The following DDX21 variants were observed in gnomAD, a reference collection of about 807,000 sequenced individuals.
DDX21 encodes the protein DExD-box helicase 21, also known as nucleolar RNA helicase 2.
DDX21 carries 18 observed loss-of-function variants against 90.0 expected under a neutral mutation model. The ratio of observed to expected loss-of-function variants is 0.20; its 90% CI spans 0.14 to 0.30. The LOEUF is 0.30. DDX21 is among the 10% of genes least tolerant of loss of function. The probability of loss-of-function intolerance (pLI) is 1.00; values close to 1 mark genes in which losing one functional copy is unlikely to be tolerated. For synonymous variants in DDX21, 294 were observed against 318.0 expected (o/e 0.92, Z 0.80); for missense variants, 673 against 944.5 (o/e 0.71, Z 3.77).
At chr10:68,961,579 A>G (rs1236057398) in intron 2 of DDX21, among the ~76,000 whole-genome samples, 1 of 152,248 alleles carries the variant, frequency 6.6e-6, no homozygotes, top group East Asian at 1.9e-4. Flanking sequence ...TAATGGTTAC[A>G]TAATCCTTCA....
Position 68,966,909 on chromosome 10 carries a change from G to GTAGGTA in DDX21, c.905-107_905-102dup, listed in dbSNP as rs149758083. On this transcript the variant is annotated intron_variant, in intron 5 of 14. Transcript: ENST00000354185. ...TTACTTAGCATATTACTTTGTACTTGTAGGTATTTAACAAATATTTTAGAG... is the reference window on the plus strand; with the variant it reads ...TTACTTAGCATATTACTTTGTACTTGTAGGTATAGGTATTTAACAAATATTTTAGAG... 0.016 allele frequency: 12,914 copies of GTAGGTA among 801,914 alleles called. 1,042 individuals carry two copies. In the African/African-American group the frequency reaches 0.19, roughly 12 times the overall value. 49.7% of individuals were successfully genotyped at this position (801,914 alleles called of 1,614,324 possible). A position where few individuals can be genotyped will look rare whatever the true frequency, so the allele number is the denominator to read the frequency against.
rs766842659 is a variant in DDX21 at position 68,982,626 on chromosome 10, A to C, written c.2166A>C (p.Gly722=). 6.2e-7 allele frequency: 1 copy of C among 1,613,320 alleles called. No homozygotes were observed. Among genetic ancestry groups the C allele is most frequent in the Non-Finnish European group, 8.5e-7 (1 of 1,179,690 alleles). The change falls in exon 15 of 15, where the codon GGA becomes GGC. Residue 722 remains glycine (G), a synonymous_variant. Coordinates refer to ENST00000354185, the MANE Select transcript of DDX21 (RefSeq NM_004728.4). ...PELEGPREGY[G]GFRGQREGSR... Reference sequence around the variant, plus strand: ...TGGAAGGACCACGGGAAGGATATGGAGGCTTCAGGGGACAGCGGGAAGGCA... The same window carrying C: ...TGGAAGGACCACGGGAAGGATATGGCGGCTTCAGGGGACAGCGGGAAGGCA...
At position 68,984,746 on chromosome 10, in the gene DDX21, G is replaced by A. The variant is rs1396485256; in HGVS notation, c.*1934G>A. 6.6e-6 allele frequency: 1 copy of A among 152,184 alleles called. No homozygotes were observed. Among genetic ancestry groups the A allele is most frequent in the Non-Finnish European group, 1.5e-5 (1 of 68,026 alleles). The allele number at this position is 152,184 out of a possible 1,614,324, so 9.4% of individuals were successfully genotyped here. A position where few individuals can be genotyped will look rare whatever the true frequency, so the allele number is the denominator to read the frequency against. ...TCTGGCATAAATTAAGAGTAAGAGA[G>A]AAGATTAATAGAAATTTCACTTCAC... On this transcript the variant is annotated 3_prime_UTR_variant, in exon 15 of 15. Coordinates refer to ENST00000354185, the MANE Select transcript of DDX21 (RefSeq NM_004728.4).
intron 1 of DDX21, 161 bp downstream of exon 1, chr10:68,956,473 G>T (rs919192502): frequency 5.6e-5 from 81 of 1,452,960 alleles, no homozygotes; most frequent in Non-Finnish European, 6.3e-5. Context: ...GGAGTGGTGC[G>T]CTCCCCGGGC....
chr10:68,970,363 C>T lies in DDX21; in HGVS notation c.1386+13C>T. ...AGCTATAAAGCAGGTTGGTCCTTCC[C>T]CTTATGCCAGCAAAACTGGGGATAT... On this transcript the variant is annotated intron_variant, in intron 8 of 14. Coordinates refer to ENST00000354185, the MANE Select transcript of DDX21 (RefSeq NM_004728.4). The T allele has an allele frequency of 4.4e-6, 7 of 1,608,776 alleles. No individual in the cohort carries two copies. Among genetic ancestry groups the T allele is most frequent in the Non-Finnish European group, 5.9e-6 (7 of 1,177,936 alleles).
chr10:68,957,320 A>C (rs1366452870), intron 1 of DDX21, among the ~76,000 whole-genome samples: 1 of 151,866 alleles, frequency 6.6e-6, no homozygotes, highest in Non-Finnish European at 1.5e-5. Context: ...TATATAGGCC[A>C]GCAGTGTGCA....
intron 7 of DDX21, 114 bp downstream of exon 7, chr10:68,969,235 A>T (rs1842986728): frequency 1.9e-6 from 2 of 1,042,952 alleles, no homozygotes; most frequent in African/African-American, 1.6e-5. Context: ...TCCATGTGAA[A>T]AGCCAAGGAA....
At chr10:68,980,240 T>TA (rs537982171) in intron 13 of DDX21, among the ~76,000 whole-genome samples, 8,741 of 150,930 alleles carry the variant, frequency 0.058, 305 homozygotes, top group Middle Eastern at 0.11. Flanking sequence ...AACTCCGTCT[T>TA]AAAAAAAAAA....
intron 4 of DDX21, among the ~76,000 whole-genome samples, chr10:68,963,745 C>T (rs1159911425): frequency 6.6e-6 from 1 of 151,734 alleles, no homozygotes; most frequent in Non-Finnish European, 1.5e-5. Context: ...ATTAGATGTC[C>T]CTGGGGCTCA....
At chr10:68,961,196 A>G (rs1409503311) in intron 2 of DDX21, among the ~76,000 whole-genome samples, 2 of 152,232 alleles carry the variant, frequency 1.3e-5, no homozygotes, top group African/African-American at 4.8e-5. Context: ...AAGCCTCCCG[A>G]GTAGCTGGGA....
intron 4 of DDX21, among the ~76,000 whole-genome samples, chr10:68,964,418 T>G (rs549237669): frequency 6.6e-6 from 1 of 152,312 alleles, no homozygotes; most frequent in South Asian, 2.1e-4. Context: ...TGAATCATAT[T>G]AGTTTCATAC....
chr10:68,977,486 C>A (rs1205431424), intron 11 of DDX21, 43 bp from the exon 12 acceptor site: 1 of 1,511,960 alleles, frequency 6.6e-7, no homozygotes, highest in Non-Finnish European at 8.9e-7. Context: ...TGAAATGTGT[C>A]CACTTCTAGT....
At chr10:68,957,041 C>CAA (rs34149138) in intron 1 of DDX21, among the ~76,000 whole-genome samples, 1,873 of 138,208 alleles carry the variant, frequency 0.014, 36 homozygotes, top group African/African-American at 0.042. Flanking sequence ...AACTCCATCT[C>CAA]AAAAAAAAAA....
At chr10:68,976,662 G>C (rs1488178807) in intron 11 of DDX21, among the ~76,000 whole-genome samples, 1 of 152,056 alleles carries the variant, frequency 6.6e-6, no homozygotes, top group Non-Finnish European at 1.5e-5. Context: ...CTACAGACAG[G>C]GTTCCCTTGG....
chr10:68,966,849 CT>C lies in DDX21; in HGVS notation c.905-168del, dbSNP rs1450346296. On this transcript the variant is annotated intron_variant, in intron 5 of 14. Coordinates refer to ENST00000354185, the MANE Select transcript of DDX21 (RefSeq NM_004728.4). ...TTTTTCACTTCTAATGTTTTTCCCACTAGATTAGGAGTGCCATGAGTATCTT... is the reference window on the plus strand; with the variant it reads ...TTTTTCACTTCTAATGTTTTTCCCACAGATTAGGAGTGCCATGAGTATCTT... Among the ~76,000 whole-genome samples the C allele has an allele frequency of 2.6e-5, 4 of 152,078 alleles. No homozygotes were observed. The East Asian group carries it at 7.7e-4, about 29-fold the overall frequency.
intron 1 of DDX21, among the ~76,000 whole-genome samples, chr10:68,957,887 A>T (rs1046528774): frequency 6.6e-6 from 1 of 152,178 alleles, no homozygotes; most frequent in Non-Finnish European, 1.5e-5. Flanking sequence ...ACAGGCTTCT[A>T]AGGAGGCTAC....
In DDX21 at chr10:68,963,476, G is replaced by A. The variant is rs200953241; in HGVS notation, c.786+7G>A. The stretch of plus-strand genomic sequence containing the variant: ...GAGAGGCCGTGCCCCTCAGGTAACT[G>A]TCTTAAATACAAGGGCTCTCAGTCA... On this transcript the variant is annotated splice_region_variant and intron_variant, in intron 4 of 14. Transcript: ENST00000354185. 33 of 1,603,492 alleles carry A rather than the reference G, an allele frequency of 2.1e-5. No homozygotes were observed. The African/African-American group carries it at 3.6e-4, about 18-fold the overall frequency.
In DDX21 at chr10:68,966,977, C is replaced by T. The variant is rs960218288; in HGVS notation, c.905-41C>T. 1.3e-6 allele frequency: 2 copies of T among 1,575,510 alleles called. 1 individual carries two copies. The highest frequency in any genetic ancestry group is 2.3e-5 in the South Asian group (2 of 86,830). On this transcript the variant is annotated intron_variant, in intron 5 of 14. Coordinates refer to ENST00000354185, the MANE Select transcript of DDX21 (RefSeq NM_004728.4). ...GTGGTACCCCACACAGATAAAAGTA[C>T]TTACTAAAAACCCAGCAAATCTTGT... is the stretch of plus-strand genomic sequence containing the variant.
chr10:68,970,753 A>G (rs190525223), intron 8 of DDX21, among the ~76,000 whole-genome samples: 4 of 152,106 alleles, frequency 2.6e-5, no homozygotes, highest in African/African-American at 9.6e-5. Flanking sequence ...CTTGGGTTCA[A>G]GCAGTTCTCC....
Sources: allele counts gnomAD v4.1 joint callset (sites outside exome capture counted in the v4.1 genomes callset), GRCh38; gene constraint gnomAD v4.1.1; transcripts MANE v1.5; gene names NCBI Gene and HGNC (gene_info 2026-07-23, HGNC 2026-07-21).